The following PIP5K1A variants were observed in gnomAD, a reference collection of about 807,000 sequenced individuals.
The protein encoded by PIP5K1A is phosphatidylinositol 4-phosphate 5-kinase type-1 alpha.
Under a neutral mutation model 72.9 loss-of-function variants are expected in PIP5K1A, and 46 were observed. The observed-to-expected ratio is 0.63, with a 90% CI of 0.50 to 0.81. PIP5K1A has a LOEUF of 0.81. PIP5K1A is among the 30% of genes least tolerant of loss of function. The pLI is 0.00. For synonymous variants in PIP5K1A, 228 were observed against 255.1 expected (o/e 0.89, Z 1.01); for missense variants, 458 against 706.1 (o/e 0.65, Z 3.98).
intron 1 of PIP5K1A, among the ~76,000 whole-genome samples, chr1:151,222,961 A>G (rs1206426536): frequency 3.3e-5 from 5 of 152,146 alleles, no homozygotes; most frequent in African/African-American, 1.2e-4. Context: ...CATGCCTGTA[A>G]TCCCATCACT....
chr1:151,237,701 A>C (rs750984257), intron 9 of PIP5K1A, among the ~76,000 whole-genome samples: 10 of 152,288 alleles, frequency 6.6e-5, no homozygotes, highest in Non-Finnish European at 1.5e-4. Flanking sequence ...TGTGGAAGGC[A>C]TCCTTCTTCA....
chr1:151,217,903 G>C (rs970145613), intron 1 of PIP5K1A, among the ~76,000 whole-genome samples: 2 of 151,826 alleles, frequency 1.3e-5, no homozygotes, highest in African/African-American at 4.8e-5. Context: ...CCTCAGACTC[G>C]CAAGTAGCTG....
chr1:151,229,377 TC>T lies in PIP5K1A; in HGVS notation c.237+1979del, dbSNP rs1462739766. On this transcript the variant is annotated intron_variant, in intron 4 of 15. Transcript: ENST00000368888. ...TTATTTAGCTTTTTTTTTTTTTTTTTCCTGAGGGAGTTTTACTCTTGTTGCC... is the reference window on the plus strand; with the variant it reads ...TTATTTAGCTTTTTTTTTTTTTTTTTCTGAGGGAGTTTTACTCTTGTTGCC... Among the ~76,000 whole-genome samples, 168 of 149,414 alleles carry T rather than the reference TC, an allele frequency of 1.1e-3. 2 individuals carry two copies. Among genetic ancestry groups the T allele is most frequent in the African/African-American group, 3.9e-3 (161 of 40,852 alleles).
chr1:151,206,421 A>G (rs1685934245), intron 1 of PIP5K1A, among the ~76,000 whole-genome samples: 1 of 152,180 alleles, frequency 6.6e-6, no homozygotes. Context: ...TAAGCTGTCC[A>G]AAAAGATTAG....
chr1:151,240,776 A>G (rs1400997759), intron 12 of PIP5K1A, among the ~76,000 whole-genome samples: 1 of 152,186 alleles, frequency 6.6e-6, no homozygotes, highest in African/African-American at 2.4e-5. Context: ...ACAAATTTTA[A>G]AAAGATAAAA....
rs372015620 is a variant in PIP5K1A at position 151,224,133 on chromosome 1, G to A, written c.86-112G>A. 271 of 935,380 alleles carry A rather than the reference G, an allele frequency of 2.9e-4. 2 individuals are homozygous for A. In the South Asian group the frequency reaches 3.4e-3, roughly 12 times the overall value. 57.9% of individuals were successfully genotyped at this position (935,380 alleles called of 1,614,324 possible). On this transcript the variant is annotated intron_variant, in intron 1 of 15. Transcript: ENST00000368888. ...AGGATCTGGTATTACTGAGCAAGAGGCAGGAGTTTATACTTATGTTTAGTT... is the reference window on the plus strand; with the variant it reads ...AGGATCTGGTATTACTGAGCAAGAGACAGGAGTTTATACTTATGTTTAGTT...
chr1:151,207,635 G>A (rs1352537263), intron 1 of PIP5K1A, among the ~76,000 whole-genome samples: 1 of 150,940 alleles, frequency 6.6e-6, no homozygotes, highest in Admixed American at 6.7e-5. Flanking sequence ...AGGTTCAAGT[G>A]ATTCTGCTTC....
intron 14 of PIP5K1A, among the ~76,000 whole-genome samples, chr1:151,246,262 T>A (rs2101751577): frequency 6.6e-6 from 1 of 152,102 alleles, no homozygotes; most frequent in East Asian, 1.9e-4. Context: ...AAAACAAAAA[T>A]TTGTTATCCC....
intron 5 of PIP5K1A, 145 bp from the exon 6 acceptor site, chr1:151,232,103 T>G (rs1690166767): frequency 1.5e-6 from 1 of 688,976 alleles, no homozygotes; most frequent in Admixed American, 2.2e-5. Context: ...TCTCACTAAC[T>G]CATCTAAGAA....
intron 3 of PIP5K1A, among the ~76,000 whole-genome samples, chr1:151,226,894 G>A (rs587761709): frequency 6.6e-6 from 1 of 151,710 alleles, no homozygotes; most frequent in East Asian, 1.9e-4. Flanking sequence ...AGGTGTGGTG[G>A]TGTGCACCTA....
At chr1:151,208,189 T>C (rs1471781497) in intron 1 of PIP5K1A, among the ~76,000 whole-genome samples, 1 of 151,902 alleles carries the variant, frequency 6.6e-6, no homozygotes, top group Non-Finnish European at 1.5e-5. Context: ...TGCTTTTAAT[T>C]GGCTATTAGC....
intron 12 of PIP5K1A, 53 bp from the exon 13 acceptor site, chr1:151,242,070 G>T: frequency 6.4e-7 from 1 of 1,574,244 alleles, no homozygotes; most frequent in South Asian, 1.1e-5. Flanking sequence ...TCTATGTCTT[G>T]GTAATAGTTG....
chr1:151,212,011 C>A (rs1686892236), intron 1 of PIP5K1A, among the ~76,000 whole-genome samples: 1 of 151,482 alleles, frequency 6.6e-6, no homozygotes. Flanking sequence ...ATTCGGGAGG[C>A]TGAGGTAGGA....
intron 1 of PIP5K1A, among the ~76,000 whole-genome samples, chr1:151,199,473 C>T (rs1267940080): frequency 2.0e-5 from 3 of 151,872 alleles, no homozygotes; most frequent in Admixed American, 2.0e-4. Context: ...ATTATCCGGA[C>T]AGTAGTGGCG....
At position 151,248,429 on chromosome 1, in the gene PIP5K1A, C is replaced by T. The variant is rs1399873843; in HGVS notation, c.*564C>T. 6.6e-6 allele frequency: 1 copy of T among 152,208 alleles called. No homozygotes were observed. Among genetic ancestry groups the T allele is most frequent in the Non-Finnish European group, 1.5e-5 (1 of 68,110 alleles). 9.4% of individuals were successfully genotyped at this position (152,208 alleles called of 1,614,324 possible). A position where few individuals can be genotyped will look rare whatever the true frequency, so the allele number is the denominator to read the frequency against. On this transcript the variant is annotated 3_prime_UTR_variant, in exon 16 of 16. Transcript: ENST00000368888. ...TGAAAAAAGGAAAAAGCACACAGCA[C>T]ACAATTTCAAGCCATTTTCAGATCA...
chr1:151,243,750 T>C (rs587594497), intron 14 of PIP5K1A, among the ~76,000 whole-genome samples: 7 of 152,310 alleles, frequency 4.6e-5, no homozygotes, highest in Non-Finnish European at 8.8e-5. Context: ...GTACTGTTTC[T>C]GTCCTTTTTG....
In PIP5K1A at chr1:151,247,854, C is replaced by T. The variant is rs1258270085; in HGVS notation, c.1687-9C>T. 6.2e-7 allele frequency: 1 copy of T among 1,608,228 alleles called. No individual in the cohort carries two copies. Among genetic ancestry groups the T allele is most frequent in the African/African-American group, 1.3e-5 (1 of 74,824 alleles). ...TCCACATCCTTAACTTTACACTCTC[C>T]CTTTTCAGTAAGCGCAAAGCCTCAG... On this transcript the variant is annotated splice_polypyrimidine_tract_variant and intron_variant, in intron 15 of 15. Coordinates refer to ENST00000368888, the MANE Select transcript of PIP5K1A (RefSeq NM_001135638.2).
intron 1 of PIP5K1A, among the ~76,000 whole-genome samples, chr1:151,199,439 C>G (rs911035795): frequency 2.0e-5 from 3 of 151,976 alleles, no homozygotes; most frequent in African/African-American, 7.2e-5. Context: ...ATAGAGAAAT[C>G]TCGTCCCTAC....
intron 1 of PIP5K1A, among the ~76,000 whole-genome samples, chr1:151,204,751 TG>T (rs1685704655): frequency 6.6e-6 from 1 of 152,218 alleles, no homozygotes; most frequent in Non-Finnish European, 1.5e-5. Context: ...TTTGTCACCT[TG>T]GTATATTCTG....
Sources: allele counts gnomAD v4.1 joint callset (sites outside exome capture counted in the v4.1 genomes callset), GRCh38; gene constraint gnomAD v4.1.1; transcripts MANE v1.5; gene names NCBI Gene and HGNC (gene_info 2026-07-23, HGNC 2026-07-21).